Variants in DTNBP1 observed in about 807,000 individuals in gnomAD.
DTNBP1 encodes the protein dystrobrevin binding protein 1.
In DTNBP1, 35 loss-of-function variants were observed where a neutral mutation model predicts 42.8. That is an observed-to-expected ratio of 0.82 (90% CI 0.63 to 1.09). The LOEUF is 1.09. Among genes scored for constraint, DTNBP1 ranks in the 50% least tolerant of loss-of-function variants. The pLI, the probability that DTNBP1 is intolerant of heterozygous loss-of-function variation, is 0.00. For missense variants in DTNBP1, 457 were observed against 424.2 expected, an observed-to-expected ratio of 1.08 and a Z score of -0.68; for synonymous variants, 171 against 162.2, an observed-to-expected ratio of 1.05 and a Z score of -0.41.
At chr6:15,638,603 G>C (rs920677148) in intron 3 of DTNBP1, among the ~76,000 whole-genome samples, 15 of 152,138 alleles carry the variant, frequency 9.9e-5, no homozygotes, top group African/African-American at 2.4e-5. Context: ...CTAAAAGTGA[G>C]AAAACAGTGT....
chr6:15,542,521 G>A (rs865972906), intron 7 of DTNBP1, among the ~76,000 whole-genome samples: 1 of 151,678 alleles, frequency 6.6e-6, no homozygotes, highest in South Asian at 2.1e-4. Context: ...ACAGGCACAC[G>A]CCACCACACC....
intron 1 of DTNBP1, among the ~76,000 whole-genome samples, chr6:15,657,727 C>G (rs965252258): frequency 3.3e-5 from 5 of 152,180 alleles, no homozygotes. Flanking sequence ...TCTGCTATAT[C>G]CCCAGTACCT....
At chr6:15,649,779 C>G (rs569058125) in intron 3 of DTNBP1, among the ~76,000 whole-genome samples, 1 of 152,030 alleles carries the variant, frequency 6.6e-6, no homozygotes, top group African/African-American at 2.4e-5. Context: ...TTATTGACAC[C>G]GTCTTACGGA....
In DTNBP1 at chr6:15,570,491, A is replaced by G. The variant is rs1412066371; in HGVS notation, c.511+22568T>C. 2.6e-5 allele frequency among the ~76,000 whole-genome samples: 4 copies of G among 152,332 alleles called. No individual in the cohort carries two copies. In the East Asian group the frequency reaches 5.8e-4, roughly 22 times the overall value. The stretch of plus-strand genomic sequence containing the variant: ...TGAACGAACCCATCAGAACTCAGCT[A>G]TATCAACCAGCTGGAACTAAGCAAG... On this transcript the variant is annotated intron_variant, in intron 7 of 9. Coordinates refer to ENST00000344537, the MANE Select transcript of DTNBP1 (RefSeq NM_032122.5).
chr6:15,645,891 C>T (rs927371397), intron 3 of DTNBP1, among the ~76,000 whole-genome samples: 1 of 151,990 alleles, frequency 6.6e-6, no homozygotes, highest in African/African-American at 2.4e-5. Flanking sequence ...ACAAGGATGT[C>T]CACTCTCACC....
intron 7 of DTNBP1, among the ~76,000 whole-genome samples, chr6:15,537,612 C>T (rs372966709): frequency 4.6e-5 from 7 of 152,186 alleles, no homozygotes; most frequent in East Asian, 3.9e-4. Flanking sequence ...GTAATCCCTA[C>T]GCTGAGGAAG....
chr6:15,606,032 T>C (rs1486427645), intron 6 of DTNBP1, among the ~76,000 whole-genome samples: 1 of 152,248 alleles, frequency 6.6e-6, no homozygotes, highest in African/African-American at 2.4e-5. Flanking sequence ...TAGATGGCAC[T>C]TTTCTCAGAT....
intron 8 of DTNBP1, among the ~76,000 whole-genome samples, chr6:15,527,836 A>T (rs1772513310): frequency 6.6e-6 from 1 of 152,220 alleles, no homozygotes; most frequent in Admixed American, 6.5e-5. Context: ...ACCATGGACA[A>T]CGTTATGCTG....
chr6:15,641,280 C>CA (rs1562008366), intron 3 of DTNBP1, among the ~76,000 whole-genome samples: 1 of 152,002 alleles, frequency 6.6e-6, no homozygotes, highest in Non-Finnish European at 1.5e-5. Context: ...CAGTTTTTCT[C>CA]AAAAAATAGA....
In DTNBP1 at chr6:15,590,089, C is replaced by T. The variant is rs778494065; in HGVS notation, c.511+2970G>A. On this transcript the variant is annotated intron_variant, in intron 7 of 9. Transcript: ENST00000344537. ...CTGGGACTATAGGCGCCCACCACCA[C>T]GCTGGGCTAATTTTTTGTATTTTTA... is the stretch of plus-strand genomic sequence containing the variant. 2.6e-5 allele frequency among the ~76,000 whole-genome samples: 4 copies of T among 152,070 alleles called. 1 individual carries two copies. Among genetic ancestry groups the T allele is most frequent in the Non-Finnish European group, 4.4e-5 (3 of 67,992 alleles).
At chr6:15,606,899 A>G (rs1472535564) in intron 6 of DTNBP1, among the ~76,000 whole-genome samples, 1 of 152,204 alleles carries the variant, frequency 6.6e-6, no homozygotes, top group African/African-American at 2.4e-5. Flanking sequence ...CAGTATTTGA[A>G]AATTTCTCAA....
intron 6 of DTNBP1, among the ~76,000 whole-genome samples, chr6:15,609,224 C>T (rs1758255454): frequency 6.6e-6 from 1 of 150,838 alleles, no homozygotes; most frequent in Admixed American, 6.6e-5. Context: ...TAAAAGCTCT[C>T]TCTTGTTCCT....
rs190564302 is a variant in DTNBP1, at chr6:15,523,807, C to G, written c.812-588G>C. 2,316 of 1,287,214 alleles carry G rather than the reference C, an allele frequency of 1.8e-3. 3 individuals carry two copies. Among genetic ancestry groups the G allele is most frequent in the Non-Finnish European group, 2.3e-3 (2,247 of 988,714 alleles). The allele number at this position is 1,287,214 out of a possible 1,614,324, so 79.7% of individuals were successfully genotyped here. On this transcript the variant is annotated intron_variant, in intron 9 of 9. Transcript: ENST00000344537. ...ATGCACCCAAGCTCCTTCTCTTCCC[C>G]AGGATGACACCGTTCTGACAGATTG... is the stretch of plus-strand genomic sequence containing the variant.
chr6:15,644,575 A>C (rs979294185), intron 3 of DTNBP1, among the ~76,000 whole-genome samples: 3 of 152,122 alleles, frequency 2.0e-5, no homozygotes, highest in Admixed American at 1.3e-4. Flanking sequence ...AAATCATATC[A>C]AGCATCTTCT....
intron 3 of DTNBP1, among the ~76,000 whole-genome samples, chr6:15,640,586 A>T (rs546096818): frequency 6.6e-6 from 1 of 152,380 alleles, no homozygotes; most frequent in Non-Finnish European, 1.5e-5. Flanking sequence ...GACTAATTAT[A>T]TAGCATTAGA....
At chr6:15,569,520 T>C (rs916993639) in intron 7 of DTNBP1, among the ~76,000 whole-genome samples, 6 of 152,160 alleles carry the variant, frequency 3.9e-5, no homozygotes, top group African/African-American at 1.4e-4. Context: ...GGAGGCGATG[T>C]GCGGTTTCCT....
At chr6:15,637,858 A>G in intron 3 of DTNBP1, 54 bp from the exon 4 acceptor site, 1 of 1,532,226 alleles carries the variant, frequency 6.5e-7, no homozygotes, top group Non-Finnish European at 9.0e-7. Flanking sequence ...AAAAGGAAAT[A>G]CTATCTAAAG....
At chr6:15,658,716 G>A (rs1421410805) in intron 1 of DTNBP1, among the ~76,000 whole-genome samples, 1 of 152,156 alleles carries the variant, frequency 6.6e-6, no homozygotes, top group African/African-American at 2.4e-5. Context: ...GAGTGGCTTC[G>A]AAGTATGTAC....
chr6:15,564,063 C>T (rs1457033818), intron 7 of DTNBP1, among the ~76,000 whole-genome samples: 3 of 135,770 alleles, frequency 2.2e-5, no homozygotes, highest in East Asian at 2.1e-4. Context: ...AACTTGGTCT[C>T]GGAAAAAAAA....
Sources: allele counts gnomAD v4.1 joint callset (sites outside exome capture counted in the v4.1 genomes callset), GRCh38; gene constraint gnomAD v4.1.1; transcripts MANE v1.5; gene names NCBI Gene and HGNC (gene_info 2026-07-23, HGNC 2026-07-21).